The following ETS2 variants were observed in gnomAD, a reference collection of about 807,000 sequenced individuals.
ETS2 encodes ETS proto-oncogene 2, transcription factor, also known as protein C-ets-2.
A neutral mutation model predicts 54.9 loss-of-function variants in ETS2; 19 were observed. The ratio of observed to expected loss-of-function variants is 0.35; its 90% CI spans 0.24 to 0.51. The LOEUF (loss-of-function observed/expected upper bound fraction) is 0.51. Ranked by LOEUF, ETS2 falls within the 20% of genes least tolerant of loss-of-function variation. ETS2 has a pLI of 0.97. For synonymous variants in ETS2, 219 were observed against 229.3 expected, an observed-to-expected ratio of 0.95 and a Z score of 0.41; for missense variants, 417 against 593.0, an observed-to-expected ratio of 0.70 and a Z score of 3.08.
At chr21:38,815,175 A>AGAGTGT (rs760744787) in intron 5 of ETS2, among the ~76,000 whole-genome samples, 194 bp downstream of exon 5, 1 of 149,808 alleles carries the variant, frequency 6.7e-6, no homozygotes, top group Non-Finnish European at 1.5e-5. Context: ...ACTTTATGTG[A>AGAGTGT]GTGTGTGTGT....
chr21:38,823,092 A>C lies in ETS2; in HGVS notation c.*203A>C. On this transcript the variant is annotated 3_prime_UTR_variant, in exon 10 of 10. Transcript: ENST00000360938. Reference sequence around the variant, plus strand: ...TGGCAGCAACGGCACAGCTAATTCTACTCACAGTGCTTTTAAGTGAAAATG... The same window carrying C: ...TGGCAGCAACGGCACAGCTAATTCTCCTCACAGTGCTTTTAAGTGAAAATG... The C allele has an allele frequency of 2.3e-6, 1 of 436,050 alleles. No individual in the cohort carries two copies. Among genetic ancestry groups the C allele is most frequent in the East Asian group, 3.5e-5 (1 of 28,262 alleles). 27.0% of individuals were successfully genotyped at this position (436,050 alleles called of 1,614,324 possible). A position where few individuals can be genotyped will look rare whatever the true frequency, so the allele number is the denominator to read the frequency against.
intron 1 of ETS2, among the ~76,000 whole-genome samples, chr21:38,807,455 A>G (rs1444008819): frequency 7.3e-6 from 1 of 137,816 alleles, no homozygotes; most frequent in Non-Finnish European, 1.5e-5. Context: ...GCAGCGATCC[A>G]TCAGCAACAC....
In ETS2 at chr21:38,814,848, G is replaced by T; in HGVS notation, c.372G>T (p.Leu124=). The change falls in exon 5 of 10, where the codon CTG becomes CTT. Residue 124 remains leucine (L), a synonymous_variant. Coordinates refer to ENST00000360938, the MANE Select transcript of ETS2 (RefSeq NM_005239.6). This position sits in a 1 kb window ranked among gnomAD's most constrained non-coding sequence, Gnocchi z 4.2. The stretch of plus-strand genomic sequence containing the variant: ...TCTGGGCCACCAATGAGTTCAGTCT[G>T]GTGAACGTGAATCTGCAGAGGTTCG... ...WLLWATNEFS[L]VNVNLQRFGM... is the part of the protein sequence containing the mutation. 2 of 1,614,200 alleles carry T rather than the reference G, an allele frequency of 1.2e-6. No individual in the cohort carries two copies. Among genetic ancestry groups the T allele is most frequent in the African/African-American group, 1.3e-5 (1 of 75,056 alleles).
At chr21:38,807,004 C>T (rs1039234874) in intron 1 of ETS2, among the ~76,000 whole-genome samples, 6 of 152,154 alleles carry the variant, frequency 3.9e-5, no homozygotes, top group African/African-American at 1.4e-4. Flanking sequence ...TTTTAATTCG[C>T]CAGTAAGAGA....
rs549488691 is a variant in ETS2 at position 38,814,142 on chromosome 21, T to G, written c.185-131T>G. On this transcript the variant is annotated intron_variant, in intron 3 of 9. Coordinates refer to ENST00000360938, the MANE Select transcript of ETS2 (RefSeq NM_005239.6). This position sits in a 1 kb window ranked among gnomAD's most constrained non-coding sequence, Gnocchi z 4.2. ...AAAAGTTTTTTGTTAATAGTTACACTGTTTTAAGGAATCATGCCAAGGTTT... is the reference window on the plus strand; with the variant it reads ...AAAAGTTTTTTGTTAATAGTTACACGGTTTTAAGGAATCATGCCAAGGTTT... 65 of 864,072 alleles carry G rather than the reference T, an allele frequency of 7.5e-5. 1 individual carries two copies. The South Asian group carries it at 8.8e-4, about 12-fold the overall frequency. The allele number at this position is 864,072 out of a possible 1,614,324, so 53.5% of individuals were successfully genotyped here.
intron 1 of ETS2, among the ~76,000 whole-genome samples, chr21:38,808,590 A>ATGTG (rs56269044): frequency 0.097 from 14,349 of 148,152 alleles, 1,069 homozygotes; most frequent in African/African-American, 0.22. Flanking sequence ...GTGTGTGTGT[A>ATGTG]TGTGTGTGTG....
intron 3 of ETS2, 122 bp downstream of exon 3, chr21:38,813,236 G>A: frequency 1.4e-6 from 1 of 719,044 alleles, no homozygotes; most frequent in Non-Finnish European, 2.5e-6. Flanking sequence ...TGAATAGCCA[G>A]AAGTTCTGGA....
intron 9 of ETS2, 43 bp from the exon 10 acceptor site, chr21:38,822,631 T>C (rs1308003260): frequency 1.3e-6 from 2 of 1,519,284 alleles, no homozygotes; most frequent in African/African-American, 1.4e-5. Flanking sequence ...TTTTCTTCAT[T>C]GACAAATTGA....
At chr21:38,805,670 C>T, upstream of ETS2, 1 of 1,190,116 alleles carries the variant, frequency 8.4e-7, no homozygotes, top group East Asian at 6.0e-5. The surrounding 1 kb of genome is among the most constrained non-coding windows in gnomAD (Gnocchi z 5.2). Context: ...CCTCCGCCCT[C>T]CTCTTCTCTC....
rs2060894346 is a variant in ETS2 at position 38,806,616 on chromosome 21, A to G, written c.-1+496A>G. ...GGGCCCGGAGGATCTGGGGCGCCCAAGACACCTGAAGGCTGCGGCACCGCG... is the reference window on the plus strand; with the variant it reads ...GGGCCCGGAGGATCTGGGGCGCCCAGGACACCTGAAGGCTGCGGCACCGCG... On this transcript the variant is annotated intron_variant, in intron 1 of 9. Coordinates refer to ENST00000360938, the MANE Select transcript of ETS2 (RefSeq NM_005239.6). This position sits in a 1 kb window ranked among gnomAD's most constrained non-coding sequence, Gnocchi z 4.3. The G allele has an allele frequency of 3.0e-6, 3 of 985,056 alleles. No individual in the cohort carries two copies. Among genetic ancestry groups the G allele is most frequent in the Admixed American group, 6.2e-5 (1 of 16,256 alleles). 61.0% of individuals were successfully genotyped at this position (985,056 alleles called of 1,614,324 possible).
chr21:38,822,885 A>T lies in ETS2; in HGVS notation c.1406A>T (p.Asp469Val), dbSNP rs1439045774. The part of the protein sequence containing the change: ...AILGVQPDTE[D>V] ...CTGGGCGTCCAGCCCGACACGGAGGACTGAGGTCGCCGGGACCACCCTGAG... is the reference window on the plus strand; with the variant it reads ...CTGGGCGTCCAGCCCGACACGGAGGTCTGAGGTCGCCGGGACCACCCTGAG... The change falls in exon 10 of 10, where the codon GAC (aspartate) becomes GTC (valine). Residue 469 changes from aspartate (D) to valine (V), a missense_variant. Physicochemically the swap from Asp to Val is radical, Grantham distance 152. This residue lies in a region of ETS2 where 31 missense variants were observed against 32.8 expected (regional missense o/e 0.95). Transcript: ENST00000360938. 5 of 1,572,374 alleles carry T rather than the reference A, an allele frequency of 3.2e-6. No homozygotes were observed. In the African/African-American group the frequency reaches 5.4e-5, roughly 17 times the overall value.
chr21:38,810,838 G>A (rs188854909), intron 2 of ETS2, among the ~76,000 whole-genome samples: 39 of 152,276 alleles, frequency 2.6e-4, no homozygotes, highest in Admixed American at 9.8e-4. Context: ...GATGATGTAC[G>A]TCTCTGGCAT....
At chr21:38,805,274 C>T, upstream of ETS2, 1 of 1,143,032 alleles carries the variant, frequency 8.7e-7, no homozygotes, top group South Asian at 1.5e-5. This position sits in a 1 kb window ranked among gnomAD's most constrained non-coding sequence, Gnocchi z 5.2. Flanking sequence ...CCGGTTTCTA[C>T]AGGAAGCGCC....
In ETS2 at chr21:38,812,842, C is replaced by T. The variant is rs1001052118; in HGVS notation, c.73-161C>T. ...CATTTCAGTCACTTTGACCATTTTA[C>T]GAGTCTGTTTTAAGGACTGACTGGT... On this transcript the variant is annotated intron_variant, in intron 2 of 9. Transcript: ENST00000360938. Among the ~76,000 whole-genome samples, 7 of 152,108 alleles carry T rather than the reference C, an allele frequency of 4.6e-5. No homozygotes were observed. In the East Asian group the frequency reaches 1.2e-3, roughly 25 times the overall value.
At position 38,810,125 on chromosome 21, in the gene ETS2, AT is replaced by A. The variant is rs760083655; in HGVS notation, c.72+30del. The A allele has an allele frequency of 0.012, 15,095 of 1,229,734 alleles. No individual in the cohort carries two copies. The highest frequency in any genetic ancestry group is 0.014 in the South Asian group (851 of 59,452). The allele number at this position is 1,229,734 out of a possible 1,614,324, so 76.2% of individuals were successfully genotyped here. A position where few individuals can be genotyped will look rare whatever the true frequency, so the allele number is the denominator to read the frequency against. The stretch of plus-strand genomic sequence containing the variant: ...ACTCAAGGTGAGTGGGCAAGTCTTA[AT>A]TTTTTTTTTTAATTGGAAAACTCGA... On this transcript the variant is annotated intron_variant, in intron 2 of 9. Coordinates refer to ENST00000360938, the MANE Select transcript of ETS2 (RefSeq NM_005239.6).
chr21:38,821,881 C>T lies in ETS2; in HGVS notation c.1194+177C>T, dbSNP rs1461456393. ...GTGGAGTCATTGCTTTGTTGATAAA[C>T]GTGTACAGTGTTTTCTGGGTATGCT... On this transcript the variant is annotated intron_variant, in intron 9 of 9. Transcript: ENST00000360938. This position sits in a 1 kb window ranked among gnomAD's most constrained non-coding sequence, Gnocchi z 4.2. 4.6e-5 allele frequency among the ~76,000 whole-genome samples: 7 copies of T among 152,184 alleles called. No homozygotes were observed. Among genetic ancestry groups the T allele is most frequent in the Non-Finnish European group, 1.0e-4 (7 of 68,038 alleles).
At position 38,819,565 on chromosome 21, in the gene ETS2, C is replaced by T. The variant is rs2060949136; in HGVS notation, c.874C>T (p.Leu292Phe). ...GADSFESSDSLLQSWNSQSSL... is the reference protein window; with the variant it reads ...GADSFESSDSFLQSWNSQSSL... ...GGACAGCTTCGAGAGCTCAGACTCC[C>T]TCCTCCAGTCCTGGAACAGCCAGTC... Residue 292 changes from leucine to phenylalanine, a missense_variant, in exon 8 of 10, where the codon CTC (leucine) becomes TTC (phenylalanine). Leu to Phe is a conservative substitution (Grantham distance 22). Around this residue, in one of 3 missense-constraint regions of ETS2, gnomAD observed 326 missense variants for 426.1 expected, o/e 0.76. Coordinates refer to ENST00000360938, the MANE Select transcript of ETS2 (RefSeq NM_005239.6). The T allele has an allele frequency of 6.2e-7, 1 of 1,614,202 alleles. No individual in the cohort carries two copies. The highest frequency in any genetic ancestry group is 1.3e-5 in the African/African-American group (1 of 75,054).
chr21:38,817,473 G>C (rs989377185), intron 6 of ETS2, among the ~76,000 whole-genome samples: 17 of 152,212 alleles, frequency 1.1e-4, no homozygotes, highest in Non-Finnish European at 2.4e-4. Context: ...AGTTGCTTAA[G>C]TGGCTCACAC....
Position 38,806,161 on chromosome 21 carries a change from C to G in ETS2, c.-1+41C>G, listed in dbSNP as rs968812985. ...GCAGAGAGCGCCCGGCGCGCGGCTC[C>G]AGTCCCATGGAGGGTCACCCGGGGC... On this transcript the variant is annotated intron_variant, in intron 1 of 9. Transcript: ENST00000360938. This position sits in a 1 kb window ranked among gnomAD's most constrained non-coding sequence, Gnocchi z 4.3. 1 of 1,010,414 alleles carries G rather than the reference C, an allele frequency of 9.9e-7. No individual in the cohort carries two copies. The highest frequency in any genetic ancestry group is 1.2e-6 in the Non-Finnish European group (1 of 846,864). The allele number at this position is 1,010,414 out of a possible 1,614,324, so 62.6% of individuals were successfully genotyped here.
Sources: allele counts gnomAD v4.1 joint callset (sites outside exome capture counted in the v4.1 genomes callset), GRCh38; gene constraint gnomAD v4.1.1; regional missense constraint gnomAD v4.1.1; non-coding constraint Gnocchi (gnomAD v3.1); transcripts MANE v1.5; gene names NCBI Gene and HGNC (gene_info 2026-07-23, HGNC 2026-07-21).